The following CTNNA2 variants were observed in gnomAD, a reference collection of about 807,000 sequenced individuals.
CTNNA2 encodes catenin alpha-2.
In CTNNA2, 42 loss-of-function variants were observed where a neutral mutation model predicts 101.0. That is an observed-to-expected ratio of 0.42 (90% CI 0.32 to 0.54). The LOEUF (loss-of-function observed/expected upper bound fraction) is 0.54, where lower values mean the gene tolerates loss of function less well. Among genes scored for constraint, CTNNA2 ranks in the 20% least tolerant of loss-of-function variants. CTNNA2 has a pLI of 0.14. For missense variants in CTNNA2, 871 were observed against 1,223.1 expected, an observed-to-expected ratio of 0.71 and a Z score of 4.29; for synonymous variants, 450 against 456.4, an observed-to-expected ratio of 0.99 and a Z score of 0.18.
intron 3 of CTNNA2, among the ~76,000 whole-genome samples, chr2:79,370,743 T>G (rs774956672): frequency 1.1e-4 from 17 of 152,222 alleles, no homozygotes; most frequent in Non-Finnish European, 1.9e-4. Context: ...AGAGTTTTGC[T>G]GAGCTCTCAT....
chr2:79,404,588 G>A (rs183784694), intron 4 of CTNNA2, among the ~76,000 whole-genome samples: 1 of 152,066 alleles, frequency 6.6e-6, no homozygotes, highest in East Asian at 1.9e-4. Flanking sequence ...CAACATGCAG[G>A]GCAACTCGGT....
chr2:79,495,276 A>G (rs925055934), intron 4 of CTNNA2, among the ~76,000 whole-genome samples: 1 of 152,230 alleles, frequency 6.6e-6, no homozygotes, highest in Non-Finnish European at 1.5e-5. Context: ...TCAATAATAT[A>G]AATTTGAATA....
intron 7 of CTNNA2, among the ~76,000 whole-genome samples, chr2:80,061,460 T>C (rs1384117062): frequency 6.6e-6 from 1 of 152,182 alleles, no homozygotes; most frequent in African/African-American, 2.4e-5. Context: ...TTATAAGATT[T>C]AATTAAGTCA....
chr2:80,244,650 G>A (rs1671190146), intron 7 of CTNNA2, among the ~76,000 whole-genome samples: 1 of 152,078 alleles, frequency 6.6e-6, no homozygotes, highest in African/African-American at 2.4e-5. Flanking sequence ...AGTAATTGTG[G>A]GTTTTGCCAT....
intron 4 of CTNNA2, among the ~76,000 whole-genome samples, chr2:79,392,746 T>A (rs1335241556): frequency 6.6e-6 from 1 of 152,204 alleles, no homozygotes; most frequent in Non-Finnish European, 1.5e-5. Flanking sequence ...TCTCCCCAAC[T>A]TTCATGTTGA....
intron 6 of CTNNA2, among the ~76,000 whole-genome samples, chr2:79,874,587 G>A (rs1333322491): frequency 3.3e-5 from 5 of 152,166 alleles, no homozygotes; most frequent in African/African-American, 1.2e-4. Context: ...TTGGGAGGCC[G>A]AGGTGGGTGG....
intron 4 of CTNNA2, among the ~76,000 whole-genome samples, chr2:79,466,589 G>T (rs1670938974): frequency 6.6e-6 from 1 of 152,194 alleles, no homozygotes. Flanking sequence ...CCTCAAGTGG[G>T]TCCCTGGCCC....
At chr2:79,996,412 T>A (rs1005038145) in intron 7 of CTNNA2, among the ~76,000 whole-genome samples, 1 of 152,158 alleles carries the variant, frequency 6.6e-6, no homozygotes, top group African/African-American at 2.4e-5. Flanking sequence ...TGATTTGAGA[T>A]CCATGAGAAG....
At chr2:79,246,415 G>A (rs1674700740) in intron 2 of CTNNA2, among the ~76,000 whole-genome samples, 1 of 152,082 alleles carries the variant, frequency 6.6e-6, no homozygotes, top group African/African-American at 2.4e-5. Context: ...GAGATTCTAT[G>A]CCACGCATTT....
At chr2:80,326,966 T>G (rs1019650253) in intron 7 of CTNNA2, among the ~76,000 whole-genome samples, 4 of 152,164 alleles carry the variant, frequency 2.6e-5, no homozygotes, top group Non-Finnish European at 5.9e-5. Context: ...TTTAGAAACC[T>G]GGTTTCTCTC....
intron 2 of CTNNA2, among the ~76,000 whole-genome samples, chr2:79,699,788 T>TAC (rs377095429): frequency 0.056 from 6,741 of 119,870 alleles, 186 homozygotes; most frequent in African/African-American, 0.075. Context: ...AAGAAAAAAA[T>TAC]ACACACACAC....
At chr2:79,673,703 A>G (rs1682999787) in intron 2 of CTNNA2, among the ~76,000 whole-genome samples, 1 of 152,098 alleles carries the variant, frequency 6.6e-6, no homozygotes. Flanking sequence ...TTAGAGAAAG[A>G]GAGTGTGTGT....
chr2:79,630,777 A>T (rs905324010), intron 1 of CTNNA2, among the ~76,000 whole-genome samples: 1 of 152,232 alleles, frequency 6.6e-6, no homozygotes, highest in Non-Finnish European at 1.5e-5. Flanking sequence ...GGAGCCATCA[A>T]TTCCAGACAC....
chr2:79,719,358 G>A (rs1363982552), intron 2 of CTNNA2, among the ~76,000 whole-genome samples: 4 of 152,118 alleles, frequency 2.6e-5, no homozygotes, highest in Non-Finnish European at 4.4e-5. Flanking sequence ...GTTGTGAACA[G>A]TGCAGTGATG....
chr2:80,461,392 T>C (rs1684410702), intron 9 of CTNNA2, among the ~76,000 whole-genome samples: 1 of 152,058 alleles, frequency 6.6e-6, no homozygotes, highest in Admixed American at 6.6e-5. Flanking sequence ...ACCTCCCTAC[T>C]CCTTAGCTAT....
At chr2:79,711,370 T>A (rs1489986225) in intron 2 of CTNNA2, among the ~76,000 whole-genome samples, 2 of 152,162 alleles carry the variant, frequency 1.3e-5, no homozygotes, top group East Asian at 3.9e-4. Flanking sequence ...AAGTACTTGG[T>A]TTCTATGCTC....
intron 4 of CTNNA2, among the ~76,000 whole-genome samples, chr2:79,382,819 T>C (rs571092227): frequency 6.6e-6 from 1 of 152,164 alleles, no homozygotes; most frequent in Non-Finnish European, 1.5e-5. Flanking sequence ...TTTCACTGTG[T>C]TAGCCAGAAT....
chr2:80,568,729 G>A (rs924472916), intron 12 of CTNNA2, among the ~76,000 whole-genome samples: 1 of 152,116 alleles, frequency 6.6e-6, no homozygotes, highest in Non-Finnish European at 1.5e-5. Flanking sequence ...GTTCACCTGG[G>A]CCAAAGACGA....
intron 5 of CTNNA2, among the ~76,000 whole-genome samples, chr2:79,870,576 G>C (rs1394900596): frequency 1.3e-5 from 2 of 152,056 alleles, no homozygotes; most frequent in East Asian, 3.9e-4. Context: ...CTCAGTATTA[G>C]TTTGTTCTCA....
Sources: gnomAD v4.1 joint callset for allele counts (sites outside exome capture counted in the v4.1 genomes callset) on GRCh38, gnomAD v4.1.1 for gene constraint, MANE v1.5 for transcripts, NCBI Gene and HGNC (gene_info 2026-07-23, HGNC 2026-07-21) for gene names.